The following SGCZ variants were observed in gnomAD, a reference collection of about 807,000 sequenced individuals.
SGCZ encodes the protein zeta-sarcoglycan.
Under a neutral mutation model 41.3 loss-of-function variants are expected in SGCZ, and 40 were observed. The observed-to-expected ratio is 0.97, with a 90% CI of 0.75 to 1.26. The LOEUF (loss-of-function observed/expected upper bound fraction) is 1.26. Among genes scored for constraint, SGCZ ranks in the 50% most tolerant of loss-of-function variants. The probability of loss-of-function intolerance (pLI) is 0.00; values close to 1 mark genes in which losing one functional copy is unlikely to be tolerated. For synonymous variants in SGCZ, 206 were observed against 137.5 expected, an observed-to-expected ratio of 1.50 and a Z score of -3.49; for missense variants, 552 against 369.8, an observed-to-expected ratio of 1.49 and a Z score of -4.04.
intron 1 of SGCZ, among the ~76,000 whole-genome samples, chr8:14,631,674 G>C (rs148976960): frequency 6.6e-6 from 1 of 152,132 alleles, no homozygotes; most frequent in East Asian, 1.9e-4. Flanking sequence ...AGATAAAAAC[G>C]TAACACTGAC....
intron 4 of SGCZ, among the ~76,000 whole-genome samples, chr8:14,208,543 T>G (rs539963740): frequency 6.6e-6 from 1 of 152,302 alleles, no homozygotes; most frequent in African/African-American, 2.4e-5. Context: ...CACAAAGATA[T>G]GTTCCTATCA....
chr8:14,604,201 A>G (rs542500046), intron 1 of SGCZ, among the ~76,000 whole-genome samples: 1 of 152,152 alleles, frequency 6.6e-6, no homozygotes, highest in Non-Finnish European at 1.5e-5. Context: ...AGGTACAAAT[A>G]GACTTATAGA....
chr8:14,272,793 CA>C (rs1274021030), intron 3 of SGCZ, among the ~76,000 whole-genome samples: 4 of 152,018 alleles, frequency 2.6e-5, no homozygotes, highest in Non-Finnish European at 4.4e-5. Flanking sequence ...TTGACTGTGT[CA>C]GGTTGAAAAA....
intron 4 of SGCZ, among the ~76,000 whole-genome samples, chr8:14,213,964 G>A (rs1381398717): frequency 6.6e-6 from 1 of 152,044 alleles, no homozygotes; most frequent in Non-Finnish European, 1.5e-5. Context: ...ATTAGGGCGT[G>A]TTCAACATGT....
chr8:14,374,544 G>A (rs1180714179), intron 2 of SGCZ, among the ~76,000 whole-genome samples: 1 of 151,302 alleles, frequency 6.6e-6, no homozygotes, highest in Non-Finnish European at 1.5e-5. Flanking sequence ...GGTGAATAAA[G>A]AGAGAAAAGT....
chr8:14,418,689 A>G (rs1371680862), intron 2 of SGCZ, among the ~76,000 whole-genome samples: 1 of 151,990 alleles, frequency 6.6e-6, no homozygotes, highest in Non-Finnish European at 1.5e-5. Flanking sequence ...AGAAATGTAA[A>G]CATGCCACAA....
intron 3 of SGCZ, among the ~76,000 whole-genome samples, chr8:14,307,401 C>T (rs961867131): frequency 1.3e-5 from 2 of 152,098 alleles, no homozygotes; most frequent in African/African-American, 4.8e-5. Flanking sequence ...AATATAAATG[C>T]ATAATTCCTT....
intron 5 of SGCZ, among the ~76,000 whole-genome samples, chr8:14,122,369 A>T (rs1282004338): frequency 1.3e-5 from 2 of 152,312 alleles, no homozygotes; most frequent in East Asian, 1.9e-4. Context: ...GGGCAAAATA[A>T]CAAAAACATT....
At chr8:14,400,554 T>G (rs1461530408) in intron 2 of SGCZ, among the ~76,000 whole-genome samples, 1 of 152,164 alleles carries the variant, frequency 6.6e-6, no homozygotes, top group Non-Finnish European at 1.5e-5. Flanking sequence ...AGCAAGATTA[T>G]CTATAATGAG....
intron 2 of SGCZ, among the ~76,000 whole-genome samples, chr8:14,510,737 T>G (rs1163920356): frequency 6.6e-6 from 1 of 152,160 alleles, no homozygotes; most frequent in Non-Finnish European, 1.5e-5. Flanking sequence ...TTCCCTTGCC[T>G]CAGAACATTT....
chr8:14,646,863 C>T (rs763206472), intron 1 of SGCZ, among the ~76,000 whole-genome samples: 3 of 151,816 alleles, frequency 2.0e-5, no homozygotes, highest in Admixed American at 6.6e-5. Flanking sequence ...GACAGAGACC[C>T]TTTTCTAAGG....
Position 14,087,641 on chromosome 8 carries a change from T to C in SGCZ, c.*2802A>G, listed in dbSNP as rs1287549266. ...GTAAACTGCATTTTATTTATACATA[T>C]TGTAACATAAAGATGGTACTGGGAA... On this transcript the variant is annotated 3_prime_UTR_variant, in exon 8 of 8. Coordinates refer to ENST00000382080, the MANE Select transcript of SGCZ (RefSeq NM_139167.4). 6.6e-6 allele frequency among the ~76,000 whole-genome samples: 1 copy of C among 151,710 alleles called. No individual in the cohort carries two copies. Among genetic ancestry groups the C allele is most frequent in the Non-Finnish European group, 1.5e-5 (1 of 67,762 alleles).
intron 3 of SGCZ, among the ~76,000 whole-genome samples, chr8:14,320,497 AG>A (rs1474453908): frequency 1.3e-5 from 2 of 151,568 alleles, no homozygotes; most frequent in African/African-American, 2.4e-5. Context: ...TCTAGGGTAC[AG>A]GTGCACAATG....
chr8:14,181,387 G>C (rs1178406969), intron 4 of SGCZ, among the ~76,000 whole-genome samples: 3 of 152,166 alleles, frequency 2.0e-5, no homozygotes, highest in Admixed American at 1.3e-4. Flanking sequence ...TAAAGTGACT[G>C]TTTAAAAAGA....
Position 14,974,181 on chromosome 8 carries a change from G to T in SGCZ, c.39+263404C>A, listed in dbSNP as rs535743011. ...CTTTTTTAAATTTCAGTGTAGAAAAGGATACAATTAGTAGTATAAATTACA... is the reference window on the plus strand; with the variant it reads ...CTTTTTTAAATTTCAGTGTAGAAAATGATACAATTAGTAGTATAAATTACA... On this transcript the variant is annotated intron_variant, in intron 1 of 7. Transcript: ENST00000382080. 5.3e-5 allele frequency among the ~76,000 whole-genome samples: 8 copies of T among 152,126 alleles called. No homozygotes were observed. The East Asian group carries it at 9.7e-4, about 18-fold the overall frequency.
At chr8:14,842,740 T>G (rs935301654) in intron 1 of SGCZ, among the ~76,000 whole-genome samples, 1 of 152,210 alleles carries the variant, frequency 6.6e-6, no homozygotes, top group African/African-American at 2.4e-5. Context: ...TTGAAAAGAT[T>G]ACCATGCTTG....
intron 3 of SGCZ, among the ~76,000 whole-genome samples, chr8:14,271,067 G>A (rs1002789847): frequency 6.6e-6 from 1 of 152,114 alleles, no homozygotes; most frequent in Non-Finnish European, 1.5e-5. Flanking sequence ...GGAGCGGGGA[G>A]GGATAGCATT....
intron 2 of SGCZ, among the ~76,000 whole-genome samples, chr8:14,500,333 CT>C (rs1678790260): frequency 6.6e-6 from 1 of 151,936 alleles, no homozygotes; most frequent in African/African-American, 2.4e-5. Flanking sequence ...AAAAGCATTG[CT>C]TTTGAGAAAG....
intron 2 of SGCZ, among the ~76,000 whole-genome samples, chr8:14,412,323 A>G (rs1799382163): frequency 1.3e-5 from 2 of 152,110 alleles, no homozygotes; most frequent in African/African-American, 4.8e-5. Flanking sequence ...TAAAGCATTT[A>G]GTAGACTGTG....
Sources: allele counts gnomAD v4.1 joint callset (sites outside exome capture counted in the v4.1 genomes callset), GRCh38; gene constraint gnomAD v4.1.1; transcripts MANE v1.5; gene names NCBI Gene and HGNC (gene_info 2026-07-23, HGNC 2026-07-21).